Variants in SLC6A5 observed in about 807,000 individuals in gnomAD.
SLC6A5 encodes solute carrier family 6 member 5, also known as sodium- and chloride-dependent glycine transporter 2.
In SLC6A5, 58 loss-of-function variants were observed where a neutral mutation model predicts 90.5. That is an observed-to-expected ratio of 0.64 (90% CI 0.52 to 0.80). The LOEUF is 0.80. Ranked by LOEUF, SLC6A5 falls within the 30% of genes least tolerant of loss-of-function variation. The pLI, the probability that SLC6A5 is intolerant of heterozygous loss-of-function variation, is 0.00. For synonymous variants in SLC6A5, 427 were observed against 401.4 expected (o/e 1.06, Z -0.76); for missense variants, 1,015 against 1,017.6 (o/e 1.00, Z 0.03).
intron 9 of SLC6A5, among the ~76,000 whole-genome samples, chr11:20,630,265 G>C (rs1853083431): frequency 6.6e-6 from 1 of 152,158 alleles, no homozygotes; most frequent in African/African-American, 2.4e-5. Context: ...GGAAGAGGCA[G>C]ACACATTCCC....
At chr11:20,620,821 A>G (rs560224140) in intron 7 of SLC6A5, among the ~76,000 whole-genome samples, 10 of 151,942 alleles carry the variant, frequency 6.6e-5, no homozygotes, top group Non-Finnish European at 1.2e-4. Flanking sequence ...TTTTATTGAG[A>G]TGGAGTCTCG....
chr11:20,653,952 C>G (rs549730399), intron 15 of SLC6A5, among the ~76,000 whole-genome samples: 64 of 152,368 alleles, frequency 4.2e-4, no homozygotes, highest in Middle Eastern at 3.4e-3. Context: ...ACTAACAGCT[C>G]TAAGTACCAG....
At chr11:20,644,280 CCTT>C (rs1479459737) in intron 13 of SLC6A5, among the ~76,000 whole-genome samples, 1 of 152,156 alleles carries the variant, frequency 6.6e-6, no homozygotes, top group African/African-American at 2.4e-5. Flanking sequence ...TCTGCTGTCT[CCTT>C]CTCTGTGTTC....
intron 13 of SLC6A5, among the ~76,000 whole-genome samples, chr11:20,645,613 G>A (rs1367129117): frequency 6.6e-6 from 1 of 150,518 alleles, no homozygotes; most frequent in Non-Finnish European, 1.5e-5. Context: ...GAAAATGATG[G>A]AGGATGAAGG....
Position 20,636,439 on chromosome 11 carries a change from G to A in SLC6A5, c.1737+20G>A. 1 of 1,459,540 alleles carries A rather than the reference G, an allele frequency of 6.9e-7. No individual in the cohort carries two copies. Among genetic ancestry groups the A allele is most frequent in the Non-Finnish European group, 9.6e-7 (1 of 1,038,982 alleles). The allele number at this position is 1,459,540 out of a possible 1,614,324, so 90.4% of individuals were successfully genotyped here. ...ACTATGGTGAGCCCCTTTTCCATCA[G>A]TCTCTATCCCATGCTCCTCTTGAAG... On this transcript the variant is annotated intron_variant, in intron 11 of 15. Transcript: ENST00000525748.
At chr11:20,607,350 G>T (rs1852603582) in intron 4 of SLC6A5, 129 bp from the exon 5 acceptor site, 2 of 1,213,032 alleles carry the variant, frequency 1.6e-6, no homozygotes, top group Non-Finnish European at 2.4e-6. Context: ...TAGACATACA[G>T]TCCACTCTGC....
intron 9 of SLC6A5, among the ~76,000 whole-genome samples, chr11:20,628,778 G>T (rs1853051721): frequency 6.6e-6 from 1 of 152,162 alleles, no homozygotes; most frequent in African/African-American, 2.4e-5. Context: ...TATTAGAAAT[G>T]AGGCTGTGGT....
chr11:20,628,385 C>A (rs1476820730), intron 9 of SLC6A5, among the ~76,000 whole-genome samples: 1 of 152,192 alleles, frequency 6.6e-6, no homozygotes, highest in Non-Finnish European at 1.5e-5. Flanking sequence ...CATTTGTGAG[C>A]TACCTAGTCT....
intron 5 of SLC6A5, among the ~76,000 whole-genome samples, chr11:20,611,071 A>G (rs1415468994): frequency 6.6e-6 from 1 of 152,216 alleles, no homozygotes; most frequent in African/African-American, 2.4e-5. Flanking sequence ...TATAGATGAG[A>G]TTTCTGATGC....
chr11:20,600,331 A>G (rs994409304), intron 1 of SLC6A5, among the ~76,000 whole-genome samples: 10 of 124,798 alleles, frequency 8.0e-5, no homozygotes, highest in African/African-American at 2.8e-4. Flanking sequence ...AAAAAAGAAG[A>G]AGAGGAAGAA....
chr11:20,604,789 G>T (rs901179247), intron 3 of SLC6A5, among the ~76,000 whole-genome samples: 9 of 152,100 alleles, frequency 5.9e-5, no homozygotes, highest in Non-Finnish European at 1.2e-4. Context: ...GCCAGCAGCT[G>T]TGCAGTCCTG....
intron 3 of SLC6A5, among the ~76,000 whole-genome samples, chr11:20,605,164 G>T (rs1278927769): frequency 6.6e-6 from 1 of 152,046 alleles, no homozygotes; most frequent in African/African-American, 2.4e-5. Flanking sequence ...CCCTCCCAGC[G>T]TTTGGGTGCC....
At chr11:20,641,377 A>T (rs926074267) in intron 13 of SLC6A5, among the ~76,000 whole-genome samples, 4 of 152,106 alleles carry the variant, frequency 2.6e-5, no homozygotes, top group Non-Finnish European at 4.4e-5. Context: ...CTCTCTTCAC[A>T]TTCTTGTGAG....
Position 20,655,476 on chromosome 11 carries a change from A to C in SLC6A5, c.*608A>C, listed in dbSNP as rs1853625906. 2 of 158,472 alleles carry C rather than the reference A, an allele frequency of 1.3e-5. No homozygotes were observed. 9.8% of individuals were successfully genotyped at this position (158,472 alleles called of 1,614,324 possible). On this transcript the variant is annotated 3_prime_UTR_variant, in exon 16 of 16. Coordinates refer to ENST00000525748, the MANE Select transcript of SLC6A5 (RefSeq NM_004211.5). ...TCCTTCGTTTGGATCAGCAATCTCC[A>C]GTTACCACTAACTCAGATGCTACAG...
chr11:20,649,523 C>G (rs1190609494), intron 14 of SLC6A5, among the ~76,000 whole-genome samples: 2 of 152,164 alleles, frequency 1.3e-5, no homozygotes, highest in Admixed American at 6.5e-5. Context: ...ATTTGTGCAA[C>G]TGGAAATGAG....
rs746134192 is a variant in SLC6A5, at chr11:20,627,979, G to A, written c.1396-1G>A. On this transcript the variant is annotated splice_acceptor_variant, in intron 8 of 15. Coordinates refer to ENST00000525748, the MANE Select transcript of SLC6A5 (RefSeq NM_004211.5). LOFTEE classifies it high-confidence loss of function. ...GAATCTCTTTCCCTTTTGCCTCTCA[G>A]GTGTGGAAAGATGCTGCCACTCAGA... 6.2e-7 allele frequency: 1 copy of A among 1,612,892 alleles called. No homozygotes were observed. Among genetic ancestry groups the A allele is most frequent in the Non-Finnish European group, 8.5e-7 (1 of 1,178,998 alleles).
At chr11:20,600,397 AAGAAGAAGAAGAAG>A (rs1852443841) in intron 1 of SLC6A5, among the ~76,000 whole-genome samples, 1 of 147,280 alleles carries the variant, frequency 6.8e-6, no homozygotes, top group Admixed American at 6.8e-5. Flanking sequence ...GAAGAAGAAG[AAGAAGAAGAAGAAG>A]ACCTAAACAA....
rs1853659263 is a variant in SLC6A5 at position 20,658,092 on chromosome 11, A to C, written c.*3224A>C. The C allele has an allele frequency of 6.6e-6, 1 of 152,196 alleles. No homozygotes were observed. The highest frequency in any genetic ancestry group is 1.5e-5 in the Non-Finnish European group (1 of 68,046). 9.4% of individuals were successfully genotyped at this position (152,196 alleles called of 1,614,324 possible). ...AAAGAGTTTAACATGATGACCTTTAAATGGATAGGACTTGGGTTGTTTTTA... is the reference window on the plus strand; with the variant it reads ...AAAGAGTTTAACATGATGACCTTTACATGGATAGGACTTGGGTTGTTTTTA... On this transcript the variant is annotated 3_prime_UTR_variant, in exon 16 of 16. Coordinates refer to ENST00000525748, the MANE Select transcript of SLC6A5 (RefSeq NM_004211.5).
At chr11:20,616,911 T>C (rs1296749308) in intron 6 of SLC6A5, among the ~76,000 whole-genome samples, 1 of 152,204 alleles carries the variant, frequency 6.6e-6, no homozygotes, top group Admixed American at 6.5e-5. Flanking sequence ...TGGCTTGCCT[T>C]TCCTTTAGAT....
Sources: gnomAD v4.1 joint callset for allele counts (sites outside exome capture counted in the v4.1 genomes callset) on GRCh38, gnomAD v4.1.1 for gene constraint, MANE v1.5 for transcripts, NCBI Gene and HGNC (gene_info 2026-07-23, HGNC 2026-07-21) for gene names.